The following LMF1 variants were observed in gnomAD, a reference collection of about 807,000 sequenced individuals.
LMF1 encodes the protein lipase maturation factor 1, also known as transmembrane protein 112.
Under a neutral mutation model 60.6 loss-of-function variants are expected in LMF1, and 68 were observed. That is an observed-to-expected ratio of 1.12 (90% CI 0.92 to 1.37). The LOEUF is 1.37. Ranked by LOEUF, LMF1 falls within the 40% of genes most tolerant of loss-of-function variation. The probability of loss-of-function intolerance (pLI) is 0.00; values close to 1 mark genes in which losing one functional copy is unlikely to be tolerated. For synonymous variants in LMF1, 418 were observed against 324.7 expected, an observed-to-expected ratio of 1.29 and a Z score of -3.09; for missense variants, 948 against 767.2, an observed-to-expected ratio of 1.24 and a Z score of -2.78.
chr16:884,068 G>C (rs1352444879), intron 5 of LMF1: 1 of 152,170 alleles, frequency 6.6e-6, no homozygotes, highest in African/African-American at 2.4e-5. Flanking sequence ...ATACGTGTTT[G>C]AGAGTCTTCT....
At chr16:959,906 G>C (rs867621405) in intron 1 of LMF1, among the ~76,000 whole-genome samples, 1 of 152,192 alleles carries the variant, frequency 6.6e-6, no homozygotes, top group East Asian at 1.9e-4. Context: ...GGAATACACC[G>C]TGTGCCAGGT....
In LMF1 at chr16:879,654, G is replaced by A. The variant is rs1455697854; in HGVS notation, c.813C>T (p.His271=). The change falls in exon 6 of 11, where the codon CAC becomes CAT. Residue 271 remains histidine, a synonymous_variant. Transcript: ENST00000262301. ...WFHRFETLSN[H]FIELLVPFFL... ...AGAAGGGCACCAGGAGCTCGATGAA[G>A]TGGTTGCTGAGCGTCTCGAAGCGAT... 1.2e-6 allele frequency: 2 copies of A among 1,612,994 alleles called. No homozygotes were observed. Among genetic ancestry groups the A allele is most frequent in the Admixed American group, 1.7e-5 (1 of 59,882 alleles).
intron 5 of LMF1, among the ~76,000 whole-genome samples, chr16:888,553 T>G (rs1317927216): frequency 6.6e-6 from 1 of 152,222 alleles, no homozygotes; most frequent in Non-Finnish European, 1.5e-5. Context: ...GTGCCATCCC[T>G]GCTGCTAAAA....
rs144817236 is a variant in LMF1 at position 909,468 on chromosome 16, G to A, written c.663+1463C>T. 4.9e-3 allele frequency among the ~76,000 whole-genome samples: 739 copies of A among 152,236 alleles called. 10 individuals are homozygous for A. Among genetic ancestry groups the A allele is most frequent in the African/African-American group, 0.016 (684 of 41,536 alleles). ...CACGCTATGCGCTACAGCGAGCCAC[G>A]CCACACAGAACCACGCTATGCGCTA... On this transcript the variant is annotated intron_variant, in intron 4 of 10. Coordinates refer to ENST00000262301, the MANE Select transcript of LMF1 (RefSeq NM_022773.4).
chr16:931,050 G>T (rs993927585), intron 3 of LMF1, among the ~76,000 whole-genome samples: 4 of 152,102 alleles, frequency 2.6e-5, no homozygotes, highest in African/African-American at 9.7e-5. Context: ...GAACCCAGGA[G>T]GTGGAGCTTG....
rs187970635 is a variant in LMF1 at position 911,234 on chromosome 16, G to A, written c.515-155C>T. The A allele has an allele frequency of 1.1e-4, 94 of 876,148 alleles. No homozygotes were observed. In the Middle Eastern group the frequency reaches 1.3e-3, roughly 13 times the overall value. The allele number at this position is 876,148 out of a possible 1,614,324, so 54.3% of individuals were successfully genotyped here. ...GCCCGCACGTATTAGTCTCAACATC[G>A]ACACGCAAGGTCAGGTCTGCAGGAG... On this transcript the variant is annotated intron_variant, in intron 3 of 10. Coordinates refer to ENST00000262301, the MANE Select transcript of LMF1 (RefSeq NM_022773.4).
At chr16:981,333 A>AGG (rs2073361398), upstream of LMF1, 4 of 330,838 alleles carry the variant, frequency 1.2e-5, no homozygotes, top group African/African-American at 1.1e-4. Flanking sequence ...AGAGAGAGAG[A>AGG]GAGAGAGAGA....
rs201927375 is a variant in LMF1 at position 870,002 on chromosome 16, C to G, written c.1297G>C (p.Asp433His). The stretch of plus-strand genomic sequence containing the variant: ...AACTCGTAGTCCTCCCACATGGCAT[C>G]GGGGGCGCTGGCGTTGGAGCTGGCT... ...GTASSNASAP[D>H]AMWEDYEFKC... Residue 433 changes from aspartate (D) to histidine (H), a missense_variant, in exon 9 of 11, where the codon GAT becomes CAT. Physicochemically the swap from Asp to His is moderately conservative, Grantham distance 81. Coordinates refer to ENST00000262301, the MANE Select transcript of LMF1 (RefSeq NM_022773.4). 2 of 1,613,104 alleles carry G rather than the reference C, an allele frequency of 1.2e-6. No individual in the cohort carries two copies. Among genetic ancestry groups the G allele is most frequent in the Non-Finnish European group, 8.5e-7 (1 of 1,179,850 alleles).
chr16:977,041 C>G, intron 1 of LMF1: 1 of 454,176 alleles, frequency 2.2e-6, no homozygotes. Flanking sequence ...TGCAGGCAGA[C>G]GTAAGCTGCA....
At chr16:898,474 C>G (rs1285497662) in intron 4 of LMF1, among the ~76,000 whole-genome samples, 3 of 152,244 alleles carry the variant, frequency 2.0e-5, no homozygotes, top group Non-Finnish European at 4.4e-5. Flanking sequence ...ACCTGAACTG[C>G]TCCTTCCCCC....
chr16:893,299 G>A (rs1224777189), intron 4 of LMF1: 7 of 630,104 alleles, frequency 1.1e-5, no homozygotes, highest in Admixed American at 6.5e-5. Flanking sequence ...CACCGCGGGC[G>A]TGAGCAACAG....
At chr16:908,421 C>T (rs536552447) in intron 4 of LMF1, among the ~76,000 whole-genome samples, 29 of 152,314 alleles carry the variant, frequency 1.9e-4, no homozygotes, top group East Asian at 9.7e-4. Flanking sequence ...GGACCCTGCC[C>T]GACACCACGT....
At chr16:949,391 A>C (rs1435682780) in intron 2 of LMF1, among the ~76,000 whole-genome samples, 1 of 151,152 alleles carries the variant, frequency 6.6e-6, no homozygotes, top group East Asian at 2.0e-4. Context: ...AGAGTCAGAG[A>C]CAACGACAGA....
intron 10 of LMF1, among the ~76,000 whole-genome samples, chr16:861,717 G>A (rs4566169): frequency 0.13 from 20,486 of 152,180 alleles, 4,192 homozygotes; most frequent in African/African-American, 0.44. Context: ...AAAGACAACG[G>A]CGTCATCTGT....
intron 3 of LMF1, chr16:931,744 A>T (rs1298647954): frequency 7.8e-7 from 1 of 1,287,226 alleles, no homozygotes; most frequent in South Asian, 1.2e-5. Context: ...CGAAGCTACT[A>T]CGAGTCTTCT....
At chr16:918,184 C>T (rs1788420383) in intron 3 of LMF1, among the ~76,000 whole-genome samples, 2 of 152,188 alleles carry the variant, frequency 1.3e-5, no homozygotes, top group African/African-American at 4.8e-5. Flanking sequence ...TGAGGAATTT[C>T]GTGGACTGTT....
chr16:919,056 C>G (rs1454145739), intron 3 of LMF1, among the ~76,000 whole-genome samples: 1 of 152,158 alleles, frequency 6.6e-6, no homozygotes, highest in East Asian at 1.9e-4. Flanking sequence ...GCTGTGACAC[C>G]TGTGTGGGCA....
chr16:905,628 C>T (rs1406416165), intron 4 of LMF1, among the ~76,000 whole-genome samples: 1 of 152,018 alleles, frequency 6.6e-6, no homozygotes, highest in African/African-American at 2.4e-5. Flanking sequence ...TATTATTGAA[C>T]TTTATGAATT....
In LMF1 at chr16:868,992, G is replaced by T; in HGVS notation, c.1481C>A (p.Ala494Asp). 6.2e-7 allele frequency: 1 copy of T among 1,612,512 alleles called. No homozygotes were observed. Residue 494 changes from alanine to aspartate, a missense_variant, in exon 10 of 11, where the codon GCC (alanine) becomes GAC (aspartate). Physicochemically the swap from Ala to Asp is moderately radical, Grantham distance 126. Coordinates refer to ENST00000262301, the MANE Select transcript of LMF1 (RefSeq NM_022773.4). ...AGKLLASDAE[A>D]LSLLAHNPFA... is the part of the protein sequence containing the mutation. Reference sequence around the variant, plus strand: ...GGGGTTGTGTGCCAGCAGGGACAAGGCCTCGGCGTCGCTGGCCAGGAGCTT... The same window carrying T: ...GGGGTTGTGTGCCAGCAGGGACAAGTCCTCGGCGTCGCTGGCCAGGAGCTT...
Sources: gnomAD v4.1 joint callset for allele counts (sites outside exome capture counted in the v4.1 genomes callset) on GRCh38, gnomAD v4.1.1 for gene constraint, MANE v1.5 for transcripts, NCBI Gene and HGNC (gene_info 2026-07-23, HGNC 2026-07-21) for gene names.